RANBP2: variants seen among roughly 807,000 people sequenced by gnomAD.
The protein encoded by RANBP2 is RAN binding protein 2, also known as E3 SUMO-protein ligase RanBP2.
RANBP2 carries 57 observed loss-of-function variants against 303.6 expected under a neutral mutation model. That is an observed-to-expected ratio of 0.19 (90% CI 0.15 to 0.23). RANBP2 has a LOEUF of 0.23. RANBP2 is among the 10% of genes least tolerant of loss of function. RANBP2 has a pLI of 1.00. For missense variants in RANBP2, 3,138 were observed against 3,780.8 expected, an observed-to-expected ratio of 0.83 and a Z score of 4.46; for synonymous variants, 1,167 against 1,301.5, an observed-to-expected ratio of 0.90 and a Z score of 2.23.
chr2:108,735,209 G>A (rs1695474630), intron 4 of RANBP2, among the ~76,000 whole-genome samples: 1 of 152,158 alleles, frequency 6.6e-6, no homozygotes, highest in Non-Finnish European at 1.5e-5. Context: ...TAAGGACCTT[G>A]TTGCTGAGGA....
chr2:109,391,261 C>G, the RANBP2 span, among the ~76,000 whole-genome samples: 1 of 152,274 alleles, frequency 6.6e-6, no homozygotes, highest in Non-Finnish European at 1.5e-5. Context: ...CCTCAGCTTG[C>G]CAGCCCATTG....
chr2:108,748,374 AT>A (rs34247750), intron 8 of RANBP2, among the ~76,000 whole-genome samples: 10,935 of 130,552 alleles, frequency 0.084, 486 homozygotes, highest in African/African-American at 0.17. Flanking sequence ...GGGCCGGCTA[AT>A]TTTTTTTTTT....
chr2:109,457,252 A>G, the RANBP2 span, among the ~76,000 whole-genome samples: 16 of 152,256 alleles, frequency 1.1e-4, no homozygotes, highest in Non-Finnish European at 1.5e-4. Flanking sequence ...TGGATCCTAG[A>G]ATTAAATGAT....
chr2:109,479,926 C>T, the RANBP2 span, among the ~76,000 whole-genome samples: 1 of 152,238 alleles, frequency 6.6e-6, no homozygotes, highest in South Asian at 2.1e-4. Flanking sequence ...TGCTCCAGCC[C>T]AGCCCGGTTT....
the RANBP2 span, among the ~76,000 whole-genome samples, chr2:109,312,408 A>C: frequency 0.6 from 90,717 of 151,926 alleles, 28,593 homozygotes; most frequent in East Asian, 0.91. Context: ...GTGCCAGTGG[A>C]ATTTATGTTT....
At chr2:109,337,344 T>C in the RANBP2 span, among the ~76,000 whole-genome samples, 5 of 152,194 alleles carry the variant, frequency 3.3e-5, no homozygotes, top group African/African-American at 9.6e-5. Context: ...GCTGGCCCCA[T>C]TGTGGCCCTG....
At chr2:108,949,571 T>C in the RANBP2 span, among the ~76,000 whole-genome samples, 1 of 152,216 alleles carries the variant, frequency 6.6e-6, no homozygotes. Flanking sequence ...TTGCAATTAA[T>C]TGCATCATAA....
the RANBP2 span, among the ~76,000 whole-genome samples, chr2:108,907,228 T>C: frequency 2.6e-5 from 4 of 152,172 alleles, no homozygotes; most frequent in African/African-American, 9.7e-5. Context: ...GTCTAGAAAA[T>C]TGTCTGGTTA....
chr2:109,644,713 G>T, the RANBP2 span, among the ~76,000 whole-genome samples: 1 of 152,172 alleles, frequency 6.6e-6, no homozygotes, highest in African/African-American at 2.4e-5. Context: ...AAGGCTGCCT[G>T]GATGAGGCCG....
the RANBP2 span, among the ~76,000 whole-genome samples, chr2:109,452,821 G>A: frequency 6.6e-6 from 1 of 151,404 alleles, no homozygotes; most frequent in Admixed American, 6.6e-5. Flanking sequence ...CTGGTTCTGG[G>A]AGGCTGGTGC....
the RANBP2 span, among the ~76,000 whole-genome samples, chr2:109,338,937 A>G: frequency 2.0e-5 from 3 of 152,234 alleles, 1 homozygote; most frequent in Admixed American, 1.3e-4. Context: ...TGATCAACAC[A>G]TATCTTGGGA....
chr2:108,898,290 A>C, the RANBP2 span, among the ~76,000 whole-genome samples: 1 of 152,092 alleles, frequency 6.6e-6, no homozygotes, highest in Non-Finnish European at 1.5e-5. Flanking sequence ...CCAGCTGGTA[A>C]AAACTCCTCT....
At chr2:108,736,383 C>A in intron 6 of RANBP2, 134 bp downstream of exon 6, 2 of 1,530,650 alleles carry the variant, frequency 1.3e-6, no homozygotes, top group Non-Finnish European at 1.8e-6. Context: ...ATACAGTGAA[C>A]AACTAGGAGG....
At chr2:109,440,748 C>T in the RANBP2 span, among the ~76,000 whole-genome samples, 1 of 152,172 alleles carries the variant, frequency 6.6e-6, no homozygotes, top group South Asian at 2.1e-4. Flanking sequence ...CTTGAGTTTC[C>T]AGGGCAGTGA....
At chr2:108,986,305 T>A in the RANBP2 span, among the ~76,000 whole-genome samples, 1 of 152,186 alleles carries the variant, frequency 6.6e-6, no homozygotes, top group Non-Finnish European at 1.5e-5. Context: ...GACTGTTTCC[T>A]CTTGATCCCT....
chr2:109,136,889 C>A, the RANBP2 span, among the ~76,000 whole-genome samples: 2 of 152,112 alleles, frequency 1.3e-5, no homozygotes, highest in Non-Finnish European at 2.9e-5. Flanking sequence ...GAGAGCAAGA[C>A]CTCACCAGAG....
chr2:109,676,311 C>A, the RANBP2 span, among the ~76,000 whole-genome samples: 1 of 152,238 alleles, frequency 6.6e-6, no homozygotes, highest in African/African-American at 2.4e-5. Flanking sequence ...TTTCCCAGTG[C>A]CCGCCTCCAC....
the RANBP2 span, chr2:108,805,009 G>A: frequency 6.7e-7 from 1 of 1,502,170 alleles, no homozygotes. Flanking sequence ...AAAAAAACAG[G>A]TAAGACCTGT....
the RANBP2 span, among the ~76,000 whole-genome samples, chr2:109,492,762 G>A: frequency 6.6e-6 from 1 of 152,104 alleles, no homozygotes. Context: ...TCTCTGTAGG[G>A]TGCGCAGTCA....
Sources: allele counts gnomAD v4.1 joint callset (sites outside exome capture counted in the v4.1 genomes callset), GRCh38; gene constraint gnomAD v4.1.1; transcripts MANE v1.5; gene names NCBI Gene and HGNC (gene_info 2026-07-23, HGNC 2026-07-21).